MIPOL1: variants seen among roughly 807,000 people sequenced by gnomAD.
MIPOL1 encodes mirror-image polydactyly gene 1 protein.
Under a neutral mutation model 60.9 loss-of-function variants are expected in MIPOL1, and 57 were observed. The observed-to-expected ratio is 0.94, with a 90% CI of 0.76 to 1.17. The LOEUF is 1.17. Ranked by LOEUF, MIPOL1 falls within the 50% of genes most tolerant of loss-of-function variation. The pLI, the probability that MIPOL1 is intolerant of heterozygous loss-of-function variation, is 0.00. For missense variants in MIPOL1, 551 were observed against 511.6 expected (o/e 1.08, Z -0.74); for synonymous variants, 179 against 168.8 (o/e 1.06, Z -0.47).
chr14:37,397,561 C>T (rs938656409), intron 10 of MIPOL1, among the ~76,000 whole-genome samples: 4 of 152,092 alleles, frequency 2.6e-5, no homozygotes, highest in Admixed American at 6.5e-5. Context: ...CCCAAGAGTA[C>T]ATGTATGCCC....
chr14:37,290,546 C>CT (rs1344306656), intron 7 of MIPOL1, among the ~76,000 whole-genome samples: 3 of 151,768 alleles, frequency 2.0e-5, no homozygotes, highest in Admixed American at 6.6e-5. Context: ...GTTTGTCTGT[C>CT]TTTTTTTTGT....
At chr14:37,466,906 C>A (rs2094605295) in intron 11 of MIPOL1, among the ~76,000 whole-genome samples, 1 of 152,302 alleles carries the variant, frequency 6.6e-6, no homozygotes, top group East Asian at 1.9e-4. Flanking sequence ...GCTTTCTCCC[C>A]AGTGATTGCT....
intron 10 of MIPOL1, among the ~76,000 whole-genome samples, chr14:37,406,549 G>A (rs561300587): frequency 2.6e-5 from 4 of 152,218 alleles, no homozygotes; most frequent in South Asian, 2.1e-4. Context: ...AATTTTCTCT[G>A]TGTGCTCATG....
At chr14:37,508,659 T>G (rs1241084267) in intron 12 of MIPOL1, among the ~76,000 whole-genome samples, 4 of 152,152 alleles carry the variant, frequency 2.6e-5, no homozygotes, top group Non-Finnish European at 5.9e-5. Flanking sequence ...CATGATAATT[T>G]GATGAGCTAA....
chr14:37,365,419 G>C (rs1270246177), intron 9 of MIPOL1, among the ~76,000 whole-genome samples: 2 of 151,986 alleles, frequency 1.3e-5, no homozygotes, highest in Admixed American at 6.6e-5. Context: ...TATCATGAAG[G>C]GATGTTAAAT....
intron 11 of MIPOL1, among the ~76,000 whole-genome samples, chr14:37,426,205 T>G (rs2093957066): frequency 1.3e-5 from 2 of 151,888 alleles, no homozygotes; most frequent in Admixed American, 6.6e-5. Flanking sequence ...GCTGGCCAAA[T>G]TGTGATCAGA....
intron 11 of MIPOL1, among the ~76,000 whole-genome samples, chr14:37,486,960 T>C (rs576075250): frequency 6.6e-6 from 1 of 152,326 alleles, no homozygotes; most frequent in East Asian, 1.9e-4. Context: ...AGTATGATAT[T>C]GACTGTGGGT....
In MIPOL1 at chr14:37,249,268, G is replaced by A. The variant is rs375494897; in HGVS notation, c.19+1361G>A. On this transcript the variant is annotated intron_variant, in intron 3 of 12. Transcript: ENST00000684589. ...ACTGTGTGCATCTCTTCCTTTTTTGGTTCCCCTTCCCCCAACAGGGCTCCT... is the reference window on the plus strand; with the variant it reads ...ACTGTGTGCATCTCTTCCTTTTTTGATTCCCCTTCCCCCAACAGGGCTCCT... 1.1e-4 allele frequency among the ~76,000 whole-genome samples: 17 copies of A among 151,494 alleles called. 2 individuals carry two copies. Among genetic ancestry groups the A allele is most frequent in the African/African-American group, 4.1e-4 (17 of 41,334 alleles).
intron 10 of MIPOL1, among the ~76,000 whole-genome samples, chr14:37,382,122 G>A (rs2092940686): frequency 6.6e-6 from 1 of 151,908 alleles, no homozygotes; most frequent in Non-Finnish European, 1.5e-5. Flanking sequence ...GTGAATGCTG[G>A]TCAAATGAAA....
At chr14:37,358,180 T>G (rs977904879) in intron 9 of MIPOL1, among the ~76,000 whole-genome samples, 1 of 152,226 alleles carries the variant, frequency 6.6e-6, no homozygotes, top group Non-Finnish European at 1.5e-5. Context: ...CATCCTTTTT[T>G]ATGGCTGCAT....
intron 9 of MIPOL1, among the ~76,000 whole-genome samples, chr14:37,313,943 C>G (rs1410715644): frequency 1.3e-5 from 2 of 152,102 alleles, no homozygotes; most frequent in Admixed American, 6.6e-5. Flanking sequence ...TTCTACTTTT[C>G]TGTCTTCTAG....
intron 10 of MIPOL1, among the ~76,000 whole-genome samples, chr14:37,387,070 G>A (rs1002289595): frequency 3.3e-5 from 5 of 151,670 alleles, no homozygotes; most frequent in South Asian, 2.1e-4. Context: ...TTCAAAAACC[G>A]TAAGTTTGGT....
At chr14:37,260,089 A>T (rs149826214) in intron 3 of MIPOL1, among the ~76,000 whole-genome samples, 94 of 152,022 alleles carry the variant, frequency 6.2e-4, no homozygotes, top group African/African-American at 2.2e-3. Flanking sequence ...TGCTCTCCAT[A>T]TATTCTTTAG....
intron 7 of MIPOL1, among the ~76,000 whole-genome samples, chr14:37,297,342 A>G (rs2153424445): frequency 6.6e-6 from 1 of 152,352 alleles, no homozygotes; most frequent in African/African-American, 2.4e-5. Context: ...ACCCACAGCC[A>G]GTATCATACT....
chr14:37,404,677 G>T (rs143499173), intron 10 of MIPOL1, among the ~76,000 whole-genome samples: 2 of 152,272 alleles, frequency 1.3e-5, no homozygotes, highest in East Asian at 3.9e-4. Flanking sequence ...TAATGATAAA[G>T]CTATAGTTAC....
chr14:37,302,432 G>C (rs1416114596), intron 7 of MIPOL1, among the ~76,000 whole-genome samples: 1 of 150,266 alleles, frequency 6.7e-6, no homozygotes, highest in Non-Finnish European at 1.5e-5. Context: ...TCAGGTATTT[G>C]ATGGTTTTTC....
chr14:37,396,283 AG>A (rs1423320580), intron 10 of MIPOL1, among the ~76,000 whole-genome samples: 1 of 152,068 alleles, frequency 6.6e-6, no homozygotes, highest in African/African-American at 2.4e-5. Context: ...GTTTTGTTTG[AG>A]GAGGCTTAAG....
rs1199726717 is a variant in MIPOL1, at chr14:37,252,346, A to T, written c.19+4439A>T. Among the ~76,000 whole-genome samples, 3 of 151,978 alleles carry T rather than the reference A, an allele frequency of 2.0e-5. No individual in the cohort carries two copies. In the East Asian group the frequency reaches 5.8e-4, roughly 29 times the overall value. The stretch of plus-strand genomic sequence containing the variant: ...AAAAGCACTTATAGAATGGCTGTGT[A>T]AATAGAATTCTTACATTTTTCAGTT... On this transcript the variant is annotated intron_variant, in intron 3 of 12. Coordinates refer to ENST00000684589, the MANE Select transcript of MIPOL1 (RefSeq NM_001388067.1).
chr14:37,285,132 A>C (rs1243436485), intron 6 of MIPOL1, among the ~76,000 whole-genome samples, 186 bp from the exon 7 acceptor site: 2 of 152,192 alleles, frequency 1.3e-5, no homozygotes, highest in African/African-American at 4.8e-5. Flanking sequence ...AGGGGTATGA[A>C]GTGGTATCCC....
Sources: allele counts gnomAD v4.1 joint callset (sites outside exome capture counted in the v4.1 genomes callset), GRCh38; gene constraint gnomAD v4.1.1; transcripts MANE v1.5; gene names NCBI Gene and HGNC (gene_info 2026-07-23, HGNC 2026-07-21).